TRPM3: variants seen among roughly 807,000 people sequenced by gnomAD.
The protein encoded by TRPM3 is transient receptor potential cation channel subfamily M member 3, also known as long transient receptor potential channel 3.
TRPM3 carries 77 observed loss-of-function variants against 181.2 expected under a neutral mutation model. The observed-to-expected ratio is 0.42, with a 90% CI of 0.35 to 0.51. The LOEUF (loss-of-function observed/expected upper bound fraction) is 0.51. Ranked by LOEUF, TRPM3 falls within the 20% of genes least tolerant of loss-of-function variation. TRPM3 has a pLI of 0.01. For missense variants in TRPM3, 1,759 were observed against 2,196.7 expected, an observed-to-expected ratio of 0.80 and a Z score of 3.98; for synonymous variants, 745 against 796.4, an observed-to-expected ratio of 0.94 and a Z score of 1.09.
intron 1 of TRPM3, among the ~76,000 whole-genome samples, chr9:70,926,003 A>T (rs886312762): frequency 2.0e-5 from 3 of 151,738 alleles, no homozygotes; most frequent in African/African-American, 7.3e-5. Context: ...AAAACAAAAA[A>T]AAAAAAAACA....
intron 1 of TRPM3, among the ~76,000 whole-genome samples, chr9:71,287,072 TTATATA>T (rs956450366): frequency 1.5e-4 from 21 of 141,886 alleles, no homozygotes; most frequent in African/African-American, 5.0e-4. Flanking sequence ...AATTTATATA[TTATATA>T]TAAATTATAT....
chr9:70,787,552 CACTT>C (rs10561766), intron 6 of TRPM3, among the ~76,000 whole-genome samples: 80,975 of 151,340 alleles, frequency 0.54, 22,021 homozygotes, highest in African/African-American at 0.58. Flanking sequence ...GTCACACACA[CACTT>C]ACTTACACAC....
At position 70,924,458 on chromosome 9, in the gene TRPM3, C is replaced by T. The variant is rs1020765182; in HGVS notation, c.178-59947G>A. Among the ~76,000 whole-genome samples, 3 of 152,128 alleles carry T rather than the reference C, an allele frequency of 2.0e-5. No homozygotes were observed. The East Asian group carries it at 5.8e-4, about 29-fold the overall frequency. ...TACTCCTTACTGATGACAATCAGTT[C>T]CATTTCCAGTATTTCAACATCATTA... On this transcript the variant is annotated intron_variant, in intron 1 of 25. Transcript: ENST00000677713.
intron 1 of TRPM3, among the ~76,000 whole-genome samples, chr9:70,971,735 G>T (rs10511994): frequency 0.26 from 39,762 of 151,998 alleles, 5,306 homozygotes; most frequent in Admixed American, 0.3. Context: ...ACTGAGAAGA[G>T]GTAAGGAACC....
chr9:71,405,519 T>G (rs779297111), intron 1 of TRPM3, among the ~76,000 whole-genome samples: 1 of 152,182 alleles, frequency 6.6e-6, no homozygotes, highest in Non-Finnish European at 1.5e-5. Flanking sequence ...TTTTTTCCTT[T>G]TCTTCAATAT....
intron 1 of TRPM3, among the ~76,000 whole-genome samples, chr9:70,998,142 CACATAT>C (rs1564932729): frequency 1.2e-4 from 7 of 58,282 alleles, no homozygotes; most frequent in Non-Finnish European, 2.1e-4. Context: ...CATATATATA[CACATAT>C]ATATATACAT....
chr9:70,639,254 A>G, intron 10 of TRPM3, 60 bp from the exon 11 acceptor site: 3 of 1,587,464 alleles, frequency 1.9e-6, no homozygotes, highest in Non-Finnish European at 2.6e-6. Context: ...GCAGTTCTTT[A>G]GTGTTCACTT....
intron 8 of TRPM3, among the ~76,000 whole-genome samples, chr9:70,751,276 T>G (rs1341270149): frequency 6.6e-6 from 1 of 152,130 alleles, no homozygotes; most frequent in African/African-American, 2.4e-5. Context: ...GAAGTTGATG[T>G]AAGTGGATTA....
intron 1 of TRPM3, among the ~76,000 whole-genome samples, chr9:71,433,157 A>G (rs1395826445): frequency 2.6e-5 from 4 of 152,206 alleles, no homozygotes; most frequent in South Asian, 2.1e-4. Context: ...GCAGCCATGA[A>G]TGACCAATTG....
chr9:71,116,211 T>A (rs2072341203), intron 1 of TRPM3, among the ~76,000 whole-genome samples: 1 of 152,134 alleles, frequency 6.6e-6, no homozygotes, highest in South Asian at 2.1e-4. Flanking sequence ...CACCTAGACA[T>A]AATAGGTGTG....
chr9:70,551,120 A>G (rs776345241), intron 24 of TRPM3, among the ~76,000 whole-genome samples: 1 of 152,230 alleles, frequency 6.6e-6, no homozygotes, highest in Non-Finnish European at 1.5e-5. Flanking sequence ...AAAATAAAAT[A>G]CTATTTTTTA....
intron 8 of TRPM3, among the ~76,000 whole-genome samples, chr9:70,701,865 A>G (rs979803611): frequency 5.9e-5 from 9 of 151,744 alleles, no homozygotes; most frequent in African/African-American, 1.9e-4. Flanking sequence ...GTGTGAGTCT[A>G]CATCTTCCCA....
chr9:71,296,423 A>C (rs2086263337), intron 1 of TRPM3, among the ~76,000 whole-genome samples: 1 of 152,126 alleles, frequency 6.6e-6, no homozygotes, highest in South Asian at 2.1e-4. Flanking sequence ...GTAACATTTG[A>C]CCTAGACTAG....
intron 8 of TRPM3, among the ~76,000 whole-genome samples, chr9:70,737,571 A>G (rs2073020135): frequency 8.7e-6 from 1 of 115,244 alleles, no homozygotes; most frequent in Admixed American, 9.4e-5. Context: ...GCTCCAATTA[A>G]AAGACACAGA....
At chr9:71,227,160 A>G (rs1472115251) in intron 1 of TRPM3, among the ~76,000 whole-genome samples, 1 of 151,184 alleles carries the variant, frequency 6.6e-6, no homozygotes, top group Non-Finnish European at 1.5e-5. Flanking sequence ...AACTTCTCTG[A>G]CCATAATGGA....
rs78697341 is a variant in TRPM3 at position 71,054,665 on chromosome 9, A to G, written c.177+66513T>C. Reference sequence around the variant, plus strand: ...TATCTTTTAAGGAATAAAAATATATAGTTGGCATCCCCATGGTTCTAATAA... The same window carrying G: ...TATCTTTTAAGGAATAAAAATATATGGTTGGCATCCCCATGGTTCTAATAA... On this transcript the variant is annotated intron_variant, in intron 1 of 25. Coordinates refer to ENST00000677713, the MANE Select transcript of TRPM3 (RefSeq NM_001366145.2). Among the ~76,000 whole-genome samples, 118 of 152,256 alleles carry G rather than the reference A, an allele frequency of 7.8e-4. No homozygotes were observed. The East Asian group carries it at 0.022, about 28-fold the overall frequency.
chr9:71,026,083 G>T (rs572297077), intron 1 of TRPM3, among the ~76,000 whole-genome samples: 1 of 152,188 alleles, frequency 6.6e-6, no homozygotes, highest in Non-Finnish European at 1.5e-5. Flanking sequence ...AGAAGTAGTC[G>T]GGGCAGAACT....
intron 9 of TRPM3, among the ~76,000 whole-genome samples, chr9:70,680,061 G>A (rs548845262): frequency 2.0e-5 from 3 of 152,230 alleles, no homozygotes; most frequent in East Asian, 1.9e-4. Flanking sequence ...CTTCTAAGTC[G>A]CAATCAGGAT....
chr9:70,952,607 AG>A (rs1446100553), intron 1 of TRPM3, among the ~76,000 whole-genome samples: 1 of 152,192 alleles, frequency 6.6e-6, no homozygotes, highest in African/African-American at 2.4e-5. Flanking sequence ...CTGAAAGTTA[AG>A]TAAAAATTCA....
Sources: gnomAD v4.1 joint callset for allele counts (sites outside exome capture counted in the v4.1 genomes callset) on GRCh38, gnomAD v4.1.1 for gene constraint, MANE v1.5 for transcripts, NCBI Gene and HGNC (gene_info 2026-07-23, HGNC 2026-07-21) for gene names.